SGCZ: variants seen among roughly 807,000 people sequenced by gnomAD.
SGCZ encodes the protein sarcoglycan zeta.
A neutral mutation model predicts 41.3 loss-of-function variants in SGCZ; 40 were observed. The observed-to-expected ratio is 0.97, with a 90% confidence interval of 0.75 to 1.26. The LOEUF is 1.26. Ranked by LOEUF, SGCZ falls within the 50% of genes most tolerant of loss-of-function variation. The pLI, the probability that SGCZ is intolerant of heterozygous loss-of-function variation, is 0.00. For synonymous variants in SGCZ, 206 were observed against 137.5 expected (o/e 1.50, Z -3.49); for missense variants, 552 against 369.8 (o/e 1.49, Z -4.04).
At chr8:14,121,300 C>T (rs966661601) in intron 5 of SGCZ, among the ~76,000 whole-genome samples, 12 of 151,978 alleles carry the variant, frequency 7.9e-5, no homozygotes, top group African/African-American at 2.9e-4. Flanking sequence ...GTCACGCTGT[C>T]ATAGCTGAGA....
intron 1 of SGCZ, among the ~76,000 whole-genome samples, chr8:15,063,922 T>C (rs191177654): frequency 4.7e-4 from 72 of 152,286 alleles, no homozygotes; most frequent in Non-Finnish European, 5.4e-4. Flanking sequence ...TGAGTCAAGG[T>C]TTGTATTTCT....
At chr8:14,149,077 T>A (rs531513196) in intron 5 of SGCZ, among the ~76,000 whole-genome samples, 1 of 152,080 alleles carries the variant, frequency 6.6e-6, no homozygotes, top group Non-Finnish European at 1.5e-5. Context: ...ACAGCTAGTA[T>A]CATAGTGAGT....
At chr8:14,798,926 G>A (rs145190779) in intron 1 of SGCZ, among the ~76,000 whole-genome samples, 2 of 151,576 alleles carry the variant, frequency 1.3e-5, no homozygotes, top group South Asian at 2.1e-4. Context: ...CTTTTTACTA[G>A]AGAAAAGTCT....
intron 1 of SGCZ, among the ~76,000 whole-genome samples, chr8:14,772,094 A>T (rs1800260160): frequency 6.6e-6 from 1 of 152,158 alleles, no homozygotes; most frequent in South Asian, 2.1e-4. Flanking sequence ...TCAATATAGT[A>T]TTCAATAAGT....
At chr8:14,492,252 T>A (rs1240717122) in intron 2 of SGCZ, among the ~76,000 whole-genome samples, 1 of 152,192 alleles carries the variant, frequency 6.6e-6, no homozygotes, top group Non-Finnish European at 1.5e-5. Flanking sequence ...AATGTACTTA[T>A]CACTGAAATA....
chr8:14,427,120 A>G (rs147250677), intron 2 of SGCZ, among the ~76,000 whole-genome samples: 13 of 151,546 alleles, frequency 8.6e-5, no homozygotes, highest in Admixed American at 2.6e-4. Flanking sequence ...GAATGAATGA[A>G]ATACACCTTA....
chr8:14,360,619 C>G (rs372099097), intron 2 of SGCZ, among the ~76,000 whole-genome samples: 73 of 150,140 alleles, frequency 4.9e-4, no homozygotes, highest in Admixed American at 1.9e-3. Context: ...AGTCACCGCG[C>G]CTGGCTGTTT....
At chr8:14,439,310 A>AATATATATATATATATATATAT (rs57569373) in intron 2 of SGCZ, among the ~76,000 whole-genome samples, 70 of 142,696 alleles carry the variant, frequency 4.9e-4, no homozygotes, top group African/African-American at 1.2e-3. Flanking sequence ...AGAAGAAAGA[A>AATATATATATATATATATATAT]ATATATATAT....
At chr8:14,960,081 G>C (rs1800915277) in intron 1 of SGCZ, among the ~76,000 whole-genome samples, 1 of 152,146 alleles carries the variant, frequency 6.6e-6, no homozygotes. Flanking sequence ...TAAAGGTGAA[G>C]ACTGACATGC....
At chr8:14,123,620 C>G (rs965773699) in intron 5 of SGCZ, among the ~76,000 whole-genome samples, 7 of 152,136 alleles carry the variant, frequency 4.6e-5, no homozygotes, top group Non-Finnish European at 1.0e-4. Flanking sequence ...CAAAAACAGA[C>G]TAACATAGTA....
intron 2 of SGCZ, among the ~76,000 whole-genome samples, chr8:14,492,869 T>C (rs1033828456): frequency 6.6e-6 from 1 of 152,198 alleles, no homozygotes; most frequent in Non-Finnish European, 1.5e-5. Context: ...GTGTAATTCT[T>C]GACATTTCCT....
intron 1 of SGCZ, among the ~76,000 whole-genome samples, chr8:14,785,538 T>C (rs979259934): frequency 6.6e-6 from 1 of 152,182 alleles, no homozygotes; most frequent in East Asian, 1.9e-4. Flanking sequence ...ACTTCCCTAA[T>C]GCTTCAGTGA....
chr8:15,171,238 G>A (rs1023003538), intron 1 of SGCZ, among the ~76,000 whole-genome samples: 2 of 152,114 alleles, frequency 1.3e-5, no homozygotes, highest in African/African-American at 4.8e-5. Flanking sequence ...CATCATCGAA[G>A]TATATTTTAA....
intron 2 of SGCZ, among the ~76,000 whole-genome samples, chr8:14,438,442 A>G (rs1050594908): frequency 6.6e-6 from 1 of 151,906 alleles, no homozygotes; most frequent in Non-Finnish European, 1.5e-5. Flanking sequence ...TTTTCTAGGG[A>G]GAGAAAATTA....
intron 1 of SGCZ, among the ~76,000 whole-genome samples, chr8:14,794,680 C>G (rs1181593080): frequency 6.6e-6 from 1 of 152,114 alleles, no homozygotes; most frequent in Non-Finnish European, 1.5e-5. Context: ...GTATAGGGTC[C>G]AGACTGAAAA....
intron 1 of SGCZ, among the ~76,000 whole-genome samples, chr8:14,952,110 G>A (rs984009581): frequency 4.0e-5 from 6 of 151,626 alleles, no homozygotes; most frequent in African/African-American, 9.7e-5. Context: ...AGAGTGCTGG[G>A]GTCAATTATA....
In SGCZ at chr8:14,411,295, C is replaced by A. The variant is rs28739301; in HGVS notation, c.235-87091G>T. On this transcript the variant is annotated intron_variant, in intron 2 of 7. Transcript: ENST00000382080. ...TTGTGCTCTTAACAAAAACAAAAAA[C>A]GTAAAAGTTTTTACATAAACATTCG... is the stretch of plus-strand genomic sequence containing the variant. Among the ~76,000 whole-genome samples the A allele has an allele frequency of 1.6e-4, 24 of 152,030 alleles. 1 individual carries two copies. The highest frequency in any genetic ancestry group is 6.8e-3 in the Middle Eastern group (2 of 294).
intron 3 of SGCZ, among the ~76,000 whole-genome samples, chr8:14,244,775 G>C (rs1176814824): frequency 6.6e-6 from 1 of 152,048 alleles, no homozygotes; most frequent in African/African-American, 2.4e-5. Context: ...TCATTGATCA[G>C]TGGTTTGTAG....
chr8:14,254,793 T>C (rs1411820903), intron 3 of SGCZ, among the ~76,000 whole-genome samples: 1 of 152,212 alleles, frequency 6.6e-6, no homozygotes, highest in Non-Finnish European at 1.5e-5. Flanking sequence ...AGATTCATTA[T>C]TCTAAATGTG....
Sources: allele counts gnomAD v4.1 joint callset (sites outside exome capture counted in the v4.1 genomes callset), GRCh38; gene constraint gnomAD v4.1.1; transcripts MANE v1.5; gene names NCBI Gene and HGNC (gene_info 2026-07-23, HGNC 2026-07-21).